Variants in KHDRBS2 observed in about 807,000 individuals in gnomAD.
KHDRBS2 encodes the protein KH RNA binding domain containing, signal transduction associated 2.
Under a neutral mutation model 44.3 loss-of-function variants are expected in KHDRBS2, and 26 were observed. The observed-to-expected ratio is 0.59, with a 90% CI of 0.43 to 0.81. The LOEUF (loss-of-function observed/expected upper bound fraction) is 0.81. Among genes scored for constraint, KHDRBS2 ranks in the 40% least tolerant of loss-of-function variants. KHDRBS2 has a pLI of 0.00. For synonymous variants in KHDRBS2, 194 were observed against 151.1 expected, an observed-to-expected ratio of 1.28 and a Z score of -2.08; for missense variants, 476 against 433.1, an observed-to-expected ratio of 1.10 and a Z score of -0.88.
chr6:61,719,906 C>T (rs565093397), intron 7 of KHDRBS2, among the ~76,000 whole-genome samples: 4 of 152,208 alleles, frequency 2.6e-5, no homozygotes, highest in African/African-American at 9.6e-5. Flanking sequence ...TTAGGTACAT[C>T]TCCCAGTGCT....
chr6:61,990,150 T>C (rs1482018579), intron 3 of KHDRBS2, among the ~76,000 whole-genome samples: 2 of 152,046 alleles, frequency 1.3e-5, no homozygotes, highest in Non-Finnish European at 2.9e-5. Flanking sequence ...CATAAGTAAA[T>C]TTTGCCACAG....
chr6:61,666,467 T>C, the KHDRBS2 span, among the ~76,000 whole-genome samples: 1 of 151,322 alleles, frequency 6.6e-6, no homozygotes, highest in East Asian at 2.0e-4. Context: ...AATATATATA[T>C]TTGTTTCACA....
chr6:62,036,803 C>T (rs182227885), intron 3 of KHDRBS2, among the ~76,000 whole-genome samples: 1 of 151,972 alleles, frequency 6.6e-6, no homozygotes, highest in East Asian at 1.9e-4. Flanking sequence ...GTTTCATGGG[C>T]AACAATATAT....
At chr6:61,741,237 TA>T (rs1776094061) in intron 6 of KHDRBS2, among the ~76,000 whole-genome samples, 1 of 151,088 alleles carries the variant, frequency 6.6e-6, no homozygotes, top group Non-Finnish European at 1.5e-5. Context: ...CAAAAAGTTC[TA>T]AAAAGAAAAA....
chr6:62,119,511 G>T (rs1754566970), intron 2 of KHDRBS2, among the ~76,000 whole-genome samples: 1 of 152,116 alleles, frequency 6.6e-6, no homozygotes, highest in Non-Finnish European at 1.5e-5. Context: ...TATCATGCAA[G>T]TGGCTGACCT....
chr6:62,136,413 G>A (rs1811535578), intron 2 of KHDRBS2, among the ~76,000 whole-genome samples: 1 of 152,110 alleles, frequency 6.6e-6, no homozygotes. Flanking sequence ...TTCTCAATCA[G>A]GTGATACGCT....
the KHDRBS2 span, among the ~76,000 whole-genome samples, chr6:61,564,704 G>A: frequency 1.3e-5 from 2 of 152,072 alleles, no homozygotes; most frequent in Admixed American, 1.3e-4. Context: ...TGGAGATAGG[G>A]CATTATTGTG....
intron 7 of KHDRBS2, among the ~76,000 whole-genome samples, chr6:61,709,623 A>G (rs975506928): frequency 2.0e-5 from 3 of 151,626 alleles, no homozygotes; most frequent in African/African-American, 7.2e-5. Context: ...TACATGAATG[A>G]GCGGTGAGCA....
chr6:62,243,881 A>T (rs773868165), intron 1 of KHDRBS2, among the ~76,000 whole-genome samples: 2 of 152,170 alleles, frequency 1.3e-5, no homozygotes, highest in Admixed American at 1.3e-4. Flanking sequence ...GTGGCTGTGA[A>T]TCTTTAACAG....
At chr6:62,205,835 T>C (rs1331051108) in intron 1 of KHDRBS2, among the ~76,000 whole-genome samples, 1 of 152,132 alleles carries the variant, frequency 6.6e-6, no homozygotes, top group Non-Finnish European at 1.5e-5. Flanking sequence ...CTGAATACTT[T>C]GTGATTATAT....
the KHDRBS2 span, among the ~76,000 whole-genome samples, chr6:61,568,346 T>A: frequency 2.6e-5 from 4 of 152,142 alleles, no homozygotes; most frequent in African/African-American, 4.8e-5. Context: ...TCCATATGAA[T>A]TTTAGGATGT....
chr6:61,711,118 ATGAG>A (rs1286229220), intron 7 of KHDRBS2, among the ~76,000 whole-genome samples: 9 of 151,694 alleles, frequency 5.9e-5, no homozygotes, highest in East Asian at 5.9e-4. Context: ...GAATAAATGA[ATGAG>A]TAATTTAAAA....
At chr6:62,136,902 A>T (rs1206345797) in intron 2 of KHDRBS2, among the ~76,000 whole-genome samples, 1 of 150,524 alleles carries the variant, frequency 6.6e-6, no homozygotes, top group Non-Finnish European at 1.5e-5. Context: ...TTGTTTCTCT[A>T]TTTGAAATGT....
intron 6 of KHDRBS2, among the ~76,000 whole-genome samples, chr6:61,867,417 G>A (rs1011465319): frequency 1.3e-5 from 2 of 152,114 alleles, no homozygotes; most frequent in Admixed American, 6.5e-5. Flanking sequence ...ATGAGATTTC[G>A]GTGGGGACAC....
intron 7 of KHDRBS2, among the ~76,000 whole-genome samples, chr6:61,709,578 T>G (rs951390152): frequency 1.1e-4 from 17 of 151,710 alleles, no homozygotes; most frequent in Non-Finnish European, 1.2e-4. Flanking sequence ...TCTTTTCAGT[T>G]TAGCTTTTAT....
At chr6:61,830,479 T>G (rs1791615075) in intron 6 of KHDRBS2, among the ~76,000 whole-genome samples, 1 of 152,254 alleles carries the variant, frequency 6.6e-6, no homozygotes, top group African/African-American at 2.4e-5. Flanking sequence ...TGTCTTCAAC[T>G]TTCCCTAATG....
At chr6:61,857,063 T>A (rs1796261584) in intron 6 of KHDRBS2, among the ~76,000 whole-genome samples, 1 of 152,104 alleles carries the variant, frequency 6.6e-6, no homozygotes, top group African/African-American at 2.4e-5. Context: ...ACACTTCATC[T>A]GATAATCATA....
Position 62,268,003 on chromosome 6 carries a change from A to G in KHDRBS2, c.91+17855T>C, listed in dbSNP as rs59266042. ...AAGTATCAACACATAGCTTTTGAAG[A>G]AAACAAAGTATTTTTCTTTTCTCAT... On this transcript the variant is annotated intron_variant, in intron 1 of 8. Coordinates refer to ENST00000281156, the MANE Select transcript of KHDRBS2 (RefSeq NM_152688.4). Among the ~76,000 whole-genome samples, 521 of 152,212 alleles carry G rather than the reference A, an allele frequency of 3.4e-3. 2 individuals carry two copies. The highest frequency in any genetic ancestry group is 0.012 in the African/African-American group (501 of 41,554).
At chr6:62,191,357 T>C (rs1413818526) in intron 1 of KHDRBS2, among the ~76,000 whole-genome samples, 1 of 152,124 alleles carries the variant, frequency 6.6e-6, no homozygotes, top group Admixed American at 6.6e-5. Flanking sequence ...CTGATGATCT[T>C]CCCTCCTTCC....
Sources: allele counts gnomAD v4.1 joint callset (sites outside exome capture counted in the v4.1 genomes callset), GRCh38; gene constraint gnomAD v4.1.1; transcripts MANE v1.5; gene names NCBI Gene and HGNC (gene_info 2026-07-23, HGNC 2026-07-21).